The following FGF12 variants were observed in gnomAD, a reference collection of about 807,000 sequenced individuals.
The protein encoded by FGF12 is fibroblast growth factor 12.
A neutral mutation model predicts 23.6 loss-of-function variants in FGF12; 14 were observed. That is an observed-to-expected ratio of 0.59 (90% confidence interval 0.39 to 0.93). The LOEUF (loss-of-function observed/expected upper bound fraction) is 0.93. FGF12 is among the 40% of genes least tolerant of loss of function. FGF12 has a pLI of 0.00. For synonymous variants in FGF12, 62 were observed against 77.3 expected, an observed-to-expected ratio of 0.80 and a Z score of 1.04; for missense variants, 175 against 217.8, an observed-to-expected ratio of 0.80 and a Z score of 1.24.
At chr3:192,528,878 T>A (rs1725017734) in intron 2 of FGF12, among the ~76,000 whole-genome samples, 1 of 152,064 alleles carries the variant, frequency 6.6e-6, no homozygotes, top group South Asian at 2.1e-4. Context: ...GGGCACCAAG[T>A]TCCTAGGCTG....
intron 4 of FGF12, among the ~76,000 whole-genome samples, chr3:192,212,150 G>A (rs1412084136): frequency 6.6e-6 from 1 of 152,190 alleles, no homozygotes; most frequent in Non-Finnish European, 1.5e-5. Context: ...TGAAATCTCT[G>A]AGAAGTTGAT....
chr3:192,476,052 CA>C (rs1055658305), intron 2 of FGF12, among the ~76,000 whole-genome samples: 2 of 152,172 alleles, frequency 1.3e-5, no homozygotes, highest in African/African-American at 4.8e-5. Flanking sequence ...CATCATCAAA[CA>C]GCATAAAATA....
chr3:192,334,813 A>G (rs1473670450), intron 4 of FGF12, among the ~76,000 whole-genome samples: 1 of 152,150 alleles, frequency 6.6e-6, no homozygotes, highest in Non-Finnish European at 1.5e-5. Flanking sequence ...TAAAACTCAA[A>G]TATCCTTGCT....
At chr3:192,374,637 A>G (rs1193673537) in intron 2 of FGF12, among the ~76,000 whole-genome samples, 1 of 152,168 alleles carries the variant, frequency 6.6e-6, no homozygotes, top group Non-Finnish European at 1.5e-5. Flanking sequence ...AATGATTTCT[A>G]TGTCTAGTAC....
intron 4 of FGF12, among the ~76,000 whole-genome samples, chr3:192,310,847 A>T (rs1049454476): frequency 9.2e-5 from 14 of 152,162 alleles, no homozygotes; most frequent in African/African-American, 3.4e-4. Context: ...GGTCAAAATC[A>T]TTGTGTTTAC....
chr3:192,719,567 GAAGA>G (rs1285871865), intron 2 of FGF12, among the ~76,000 whole-genome samples: 4 of 152,028 alleles, frequency 2.6e-5, no homozygotes, highest in East Asian at 1.9e-4. Flanking sequence ...TTAAATCCCA[GAAGA>G]AAGAAGTAAA....
intron 3 of FGF12, among the ~76,000 whole-genome samples, chr3:192,338,063 T>C (rs995002791): frequency 7.9e-5 from 12 of 152,162 alleles, no homozygotes; most frequent in Admixed American, 2.0e-4. Flanking sequence ...GGAAAATGCA[T>C]CTAAACAAAG....
At chr3:192,492,248 A>G (rs1357961292) in intron 2 of FGF12, among the ~76,000 whole-genome samples, 1 of 152,188 alleles carries the variant, frequency 6.6e-6, no homozygotes, top group African/African-American at 2.4e-5. Context: ...TTTTCTAGCC[A>G]AAAGATTCAT....
At chr3:192,500,282 C>A (rs1347683904) in intron 2 of FGF12, among the ~76,000 whole-genome samples, 1 of 152,216 alleles carries the variant, frequency 6.6e-6, no homozygotes, top group Non-Finnish European at 1.5e-5. Context: ...AGTGCTCACT[C>A]TAGTTCCAGC....
chr3:192,303,549 C>T (rs552721817), intron 4 of FGF12, among the ~76,000 whole-genome samples: 2 of 152,318 alleles, frequency 1.3e-5, no homozygotes, highest in Admixed American at 1.3e-4. Flanking sequence ...TACTAAGAGA[C>T]TGAAATTTAC....
At chr3:192,173,158 G>GTGAC (rs1255968749) in intron 4 of FGF12, among the ~76,000 whole-genome samples, 2 of 150,876 alleles carry the variant, frequency 1.3e-5, no homozygotes, top group Admixed American at 1.3e-4. Context: ...TAAGGGTGGA[G>GTGAC]TGACTGTTTT....
At position 192,157,889 on chromosome 3, in the gene FGF12, A is replaced by G. The variant is rs1300609651; in HGVS notation, c.427+12569T>C. Among the ~76,000 whole-genome samples the G allele has an allele frequency of 9.9e-5, 15 of 152,160 alleles. No homozygotes were observed. The East Asian group carries it at 2.5e-3, about 25-fold the overall frequency. The stretch of plus-strand genomic sequence containing the variant: ...CTATATGCCTGCACATTATACATAC[A>G]AACAGTTTTTTAAATGACCATAAAA... On this transcript the variant is annotated intron_variant, in intron 5 of 5. Coordinates refer to ENST00000445105, the MANE Select transcript of FGF12 (RefSeq NM_004113.6).
chr3:192,474,897 A>AAAGAAAG (rs747399419), intron 2 of FGF12, among the ~76,000 whole-genome samples: 7 of 149,188 alleles, frequency 4.7e-5, no homozygotes, highest in African/African-American at 1.8e-4. Context: ...AAAAAAAAAA[A>AAAGAAAG]AAAGAAAGAA....
intron 5 of FGF12, among the ~76,000 whole-genome samples, chr3:192,165,312 A>T (rs79842824): frequency 5.8e-5 from 3 of 51,836 alleles, no homozygotes; most frequent in Non-Finnish European, 9.8e-5. Context: ...TCCCTTCATT[A>T]AAAAAAAAAA....
intron 2 of FGF12, among the ~76,000 whole-genome samples, chr3:192,491,127 C>T (rs1468891593): frequency 6.6e-6 from 1 of 152,022 alleles, no homozygotes; most frequent in Non-Finnish European, 1.5e-5. Flanking sequence ...CCTTTGGTTC[C>T]TTCTTCACTT....
At chr3:192,421,168 T>C (rs947885841) in intron 2 of FGF12, among the ~76,000 whole-genome samples, 17 of 152,144 alleles carry the variant, frequency 1.1e-4, no homozygotes, top group African/African-American at 4.1e-4. Context: ...AAAGTAAGCA[T>C]GTGTTCCACC....
chr3:192,384,914 A>G (rs1008973746), intron 2 of FGF12, among the ~76,000 whole-genome samples: 3 of 152,196 alleles, frequency 2.0e-5, no homozygotes, highest in Non-Finnish European at 4.4e-5. Context: ...ACTTGCCTCA[A>G]TTCTTAACTC....
At chr3:192,503,347 A>G (rs902340832) in intron 2 of FGF12, among the ~76,000 whole-genome samples, 3 of 152,148 alleles carry the variant, frequency 2.0e-5, no homozygotes, top group African/African-American at 4.8e-5. Flanking sequence ...ATCTACCAAC[A>G]TAAGAGAGGG....
chr3:192,365,385 G>A (rs1364386065), intron 2 of FGF12, among the ~76,000 whole-genome samples: 1 of 151,850 alleles, frequency 6.6e-6, no homozygotes, highest in Non-Finnish European at 1.5e-5. Flanking sequence ...TGAGATCCTA[G>A]AGCTGAAAAA....
Sources: gnomAD v4.1 joint callset for allele counts (sites outside exome capture counted in the v4.1 genomes callset) on GRCh38, gnomAD v4.1.1 for gene constraint, MANE v1.5 for transcripts, NCBI Gene and HGNC (gene_info 2026-07-23, HGNC 2026-07-21) for gene names.